Variants in CAPG observed in about 807,000 individuals in gnomAD.
The protein encoded by CAPG is macrophage-capping protein.
CAPG carries 32 observed loss-of-function variants against 44.6 expected under a neutral mutation model. The observed-to-expected ratio is 0.72, with a 90% CI of 0.54 to 0.96. CAPG has a LOEUF of 0.96. CAPG is among the 50% of genes least tolerant of loss of function. The pLI is 0.00. For missense variants in CAPG, 412 were observed against 438.3 expected, an observed-to-expected ratio of 0.94 and a Z score of 0.54; for synonymous variants, 175 against 179.6, an observed-to-expected ratio of 0.97 and a Z score of 0.20.
chr2:85,398,187 C>CA, intron 7 of CAPG, 35 bp from the exon 8 acceptor site: 1 of 1,605,938 alleles, frequency 6.2e-7, no homozygotes, highest in Non-Finnish European at 8.5e-7. Flanking sequence ...TCTCACCCCC[C>CA]ACACACCAGC....
At chr2:85,399,922 G>A (rs548352576) in intron 5 of CAPG, among the ~76,000 whole-genome samples, 1 of 152,012 alleles carries the variant, frequency 6.6e-6, no homozygotes, top group African/African-American at 2.4e-5. Context: ...TATATTTTTA[G>A]TAGAGATGGG....
At chr2:85,402,068 G>C (rs1452603125) in intron 2 of CAPG, 55 bp downstream of exon 2, 1 of 1,608,700 alleles carries the variant, frequency 6.2e-7, no homozygotes, top group Non-Finnish European at 8.5e-7. Context: ...GGGAGGGGCA[G>C]CCCTTGGAGG....
At chr2:85,401,140 TG>T in intron 5 of CAPG, 24 bp downstream of exon 5, 1 of 1,608,638 alleles carries the variant, frequency 6.2e-7, no homozygotes, top group Admixed American at 1.7e-5. Context: ...CAATACGGAG[TG>T]CTCAGTCTGG....
chr2:85,401,459 G>A, intron 4 of CAPG, 70 bp downstream of exon 4: 3 of 1,594,294 alleles, frequency 1.9e-6, no homozygotes, highest in Non-Finnish European at 2.6e-6. Context: ...TGCAGGGTGA[G>A]AACCAGCCAG....
intron 1 of CAPG, among the ~76,000 whole-genome samples, chr2:85,407,712 C>CAAAAAAAAA: frequency 1.1e-5 from 1 of 91,176 alleles, no homozygotes; most frequent in Non-Finnish European, 2.1e-5. Context: ...GACTCTGTCT[C>CAAAAAAAAA]AAAAAAAAAA....
upstream of CAPG, among the ~76,000 whole-genome samples, chr2:85,414,789 C>A (rs1277341421): frequency 6.6e-6 from 1 of 152,204 alleles, no homozygotes; most frequent in African/African-American, 2.4e-5. Context: ...CCCTTCTCTT[C>A]TTTATTCAGA....
At chr2:85,417,017 G>C (rs1339404474) in intron 1 of CAPG, among the ~76,000 whole-genome samples, 7 of 152,212 alleles carry the variant, frequency 4.6e-5, no homozygotes, top group African/African-American at 1.7e-4. Context: ...AACCAGAACA[G>C]TGACATGCTG....
chr2:85,395,561 T>C lies in CAPG; in HGVS notation c.958A>G (p.Met320Val), dbSNP rs1686555502. ...LQVAEGFISRMQYAPNTQVEI... is the reference protein window; with the variant it reads ...LQVAEGFISRVQYAPNTQVEI... ...ACCTGAGTGTTCGGGGCGTACTGCATGCGCGAGATGAAGCCCTCGGCCACC... is the reference window on the plus strand; with the variant it reads ...ACCTGAGTGTTCGGGGCGTACTGCACGCGCGAGATGAAGCCCTCGGCCACC... Residue 320 changes from methionine (M) to valine (V), a missense_variant, in exon 9 of 10, where the codon ATG (methionine) becomes GTG (valine). Met to Val is a conservative substitution (Grantham distance 21). Transcript: ENST00000263867. This position sits in a 1 kb window ranked among gnomAD's most constrained non-coding sequence, Gnocchi z 4.3. The C allele has an allele frequency of 6.2e-6, 10 of 1,613,786 alleles. No homozygotes were observed. The East Asian group carries it at 2.0e-4, about 32-fold the overall frequency.
chr2:85,392,358 C>G (rs1408153270), downstream of CAPG, among the ~76,000 whole-genome samples: 1 of 150,818 alleles, frequency 6.6e-6, no homozygotes, highest in East Asian at 2.0e-4. Context: ...CCATTGCACT[C>G]CGGCCTGGGC....
intron 1 of CAPG, among the ~76,000 whole-genome samples, chr2:85,415,880 C>A (rs1306083860): frequency 6.6e-6 from 1 of 151,970 alleles, no homozygotes; most frequent in Non-Finnish European, 1.5e-5. Flanking sequence ...GACAGGGTCT[C>A]ACTCTGTCAC....
At chr2:85,402,181 T>A in intron 1 of CAPG, 23 bp from the exon 2 acceptor site, 1 of 1,577,726 alleles carries the variant, frequency 6.3e-7, no homozygotes. Context: ...AAGAAGCCAT[T>A]ATTATTACAA....
At chr2:85,410,396 A>ACCACCAGCCCCAC (rs1288421488), upstream of CAPG, 4 of 152,106 alleles carry the variant, frequency 2.6e-5, no homozygotes, top group Admixed American at 2.0e-4. Flanking sequence ...GGCTGCCCCA[A>ACCACCAGCCCCAC]CCACCAGCCC....
intron 1 of CAPG, 98 bp from the exon 2 acceptor site, chr2:85,402,256 T>C (rs1686939537): frequency 1.1e-6 from 1 of 894,086 alleles, no homozygotes; most frequent in Non-Finnish European, 1.8e-6. Context: ...AGTACTTTCA[T>C]ATTCATCAAC....
At chr2:85,411,978 C>T (rs541676870), upstream of CAPG, among the ~76,000 whole-genome samples, 9 of 151,942 alleles carry the variant, frequency 5.9e-5, no homozygotes, top group East Asian at 1.9e-4. Flanking sequence ...AGAAGAATCA[C>T]TTGAACCCAG....
At position 85,395,624 on chromosome 2, in the gene CAPG, G is replaced by T; in HGVS notation, c.895C>A (p.Arg299=). ...TGCCGCTCCTTCTCATTCGCTTTTCGCCCTAGATCATAGGAAGGAGATTTT... is the reference window on the plus strand; with the variant it reads ...TGCCGCTCCTTCTCATTCGCTTTTCTCCCTAGATCATAGGAAGGAGATTTT... The part of the protein sequence containing the change: ...LCGKIYIWKG[R]KANEKERQAA... Residue 299 remains arginine, a splice_region_variant and synonymous_variant, in exon 9 of 10, where the codon CGA becomes AGA. Transcript: ENST00000263867. This position sits in a 1 kb window ranked among gnomAD's most constrained non-coding sequence, Gnocchi z 4.3. 6.2e-7 allele frequency: 1 copy of T among 1,612,222 alleles called. No individual in the cohort carries two copies. Among genetic ancestry groups the T allele is most frequent in the Non-Finnish European group, 8.5e-7 (1 of 1,178,832 alleles).
chr2:85,404,907 A>G (rs546626939), intron 1 of CAPG, among the ~76,000 whole-genome samples: 1 of 151,102 alleles, frequency 6.6e-6, no homozygotes, highest in African/African-American at 2.4e-5. Flanking sequence ...CTGAACTGCA[A>G]CCTGGATGAC....
chr2:85,414,575 A>G (rs936635739), upstream of CAPG, among the ~76,000 whole-genome samples: 10 of 150,476 alleles, frequency 6.6e-5, no homozygotes, highest in African/African-American at 2.2e-4. Context: ...GACTGCAGGC[A>G]TATGCCACCA....
Position 85,402,091 on chromosome 2 carries a change from A to T in CAPG, c.23+32T>A, listed in dbSNP as rs535382325. On this transcript the variant is annotated intron_variant, in intron 2 of 9. Transcript: ENST00000263867. The stretch of plus-strand genomic sequence containing the variant: ...CAGCCCTTGGAGGTAAAGAAGGGGA[A>T]GTTGTGAAAGGAGATGGGGCATGCA... 7.4e-6 allele frequency: 12 copies of T among 1,611,028 alleles called. No individual in the cohort carries two copies. In the South Asian group the frequency reaches 1.2e-4, roughly 16 times the overall value.
At position 85,398,157 on chromosome 2, in the gene CAPG, G is replaced by A; in HGVS notation, c.760-5C>T. 6.2e-7 allele frequency: 1 copy of A among 1,612,832 alleles called. No homozygotes were observed. Among genetic ancestry groups the A allele is most frequent in the Non-Finnish European group, 8.5e-7 (1 of 1,179,704 alleles). Reference sequence around the variant, plus strand: ...CTGTCCAGTGGCATCAGAGACCTGGGGAGGAGGGACAGTGCCTGATCTCAC... The same window carrying A: ...CTGTCCAGTGGCATCAGAGACCTGGAGAGGAGGGACAGTGCCTGATCTCAC... On this transcript the variant is annotated splice_polypyrimidine_tract_variant and splice_region_variant and intron_variant, in intron 7 of 9. Transcript: ENST00000263867.
Sources: gnomAD v4.1 joint callset for allele counts (sites outside exome capture counted in the v4.1 genomes callset) on GRCh38, gnomAD v4.1.1 for gene constraint, Gnocchi (gnomAD v3.1) non-coding constraint, MANE v1.5 for transcripts, NCBI Gene and HGNC (gene_info 2026-07-23, HGNC 2026-07-21) for gene names.